Variants in COX6C observed in about 807,000 individuals in gnomAD.
COX6C encodes cytochrome c oxidase polypeptide VIc.
COX6C carries 3 observed loss-of-function variants against 6.9 expected under a neutral mutation model. That is an observed-to-expected ratio of 0.43 (90% CI 0.20 to 1.12). The LOEUF (loss-of-function observed/expected upper bound fraction) is 1.12, where lower values mean the gene tolerates loss of function less well. Among genes scored for constraint, COX6C ranks in the 50% most tolerant of loss-of-function variants. The pLI, the probability that COX6C is intolerant of heterozygous loss-of-function variation, is 0.27. For missense variants in COX6C, 101 were observed against 97.3 expected, an observed-to-expected ratio of 1.04 and a Z score of -0.16; for synonymous variants, 32 against 32.0, an observed-to-expected ratio of 1.00 and a Z score of 0.00.
At chr8:99,891,590 GAGGACCCTGTGAAGACAA>G (rs544898853) in intron 2 of COX6C, among the ~76,000 whole-genome samples, 2 of 152,310 alleles carry the variant, frequency 1.3e-5, no homozygotes, top group South Asian at 2.1e-4. Context: ...TATGCCCACA[GAGGACCCTGTGAAGACAA>G]AGGGAGCCAT....
chr8:99,883,429 A>ATATGTG (rs1554593054), intron 3 of COX6C, among the ~76,000 whole-genome samples: 208 of 145,834 alleles, frequency 1.4e-3, no homozygotes, highest in African/African-American at 5.3e-3. Flanking sequence ...GTGTGTATAT[A>ATATGTG]TGTATGTGTG....
intron 2 of COX6C, among the ~76,000 whole-genome samples, chr8:99,890,294 C>T (rs558877360): frequency 6.6e-6 from 1 of 152,086 alleles, no homozygotes; most frequent in African/African-American, 2.4e-5. Context: ...TCAAATTCCA[C>T]CTCCTCTATC....
intron 3 of COX6C, among the ~76,000 whole-genome samples, chr8:99,882,803 T>A (rs1817884722): frequency 6.6e-6 from 1 of 152,150 alleles, no homozygotes; most frequent in South Asian, 2.1e-4. Context: ...AAAAAAAATT[T>A]TGTGGGGGAG....
chr8:99,891,178 T>C (rs1818026978), intron 2 of COX6C, among the ~76,000 whole-genome samples: 1 of 152,238 alleles, frequency 6.6e-6, no homozygotes, highest in African/African-American at 2.4e-5. Context: ...AAACGTTTTT[T>C]GGAAATAAGG....
intron 3 of COX6C, among the ~76,000 whole-genome samples, chr8:99,885,295 G>A (rs1454970115): frequency 2.6e-5 from 4 of 152,230 alleles, no homozygotes; most frequent in Admixed American, 2.6e-4. Flanking sequence ...CTCTTACTAT[G>A]TCTAATTTAT....
At chr8:99,893,409 C>A (rs1390393199) in intron 1 of COX6C, 1 of 152,292 alleles carries the variant, frequency 6.6e-6, no homozygotes, top group Non-Finnish European at 1.5e-5. Flanking sequence ...GGTCCCGCAG[C>A]CCACCCGGCT....
chr8:99,881,347 A>T (rs1817860985), intron 3 of COX6C, among the ~76,000 whole-genome samples: 1 of 151,962 alleles, frequency 6.6e-6, no homozygotes, highest in African/African-American at 2.4e-5. Context: ...GTGACAGAGT[A>T]AGACTCCATC....
At chr8:99,893,355 C>A (rs927044420) in intron 1 of COX6C, 1 of 152,266 alleles carries the variant, frequency 6.6e-6, no homozygotes, top group Non-Finnish European at 1.5e-5. Context: ...GCAGCGGGTA[C>A]CAGCCCCGGG....
At position 99,891,988 on chromosome 8, in the gene COX6C, G is replaced by A. The variant is rs747362239; in HGVS notation, c.34C>T (p.Arg12Cys). The A allele has an allele frequency of 2.5e-6, 4 of 1,613,226 alleles. No individual in the cohort carries two copies. Among genetic ancestry groups the A allele is most frequent in the Non-Finnish European group, 3.4e-6 (4 of 1,179,848 alleles). ...APEVLPKPRM[R>C]GLLARRLRNH... is the part of the protein sequence containing the mutation. ...CGCAGACGCCTGGCCAGAAGGCCAC[G>A]CATCCGAGGTTTTGGCAAAACTTCG... is the stretch of plus-strand genomic sequence containing the variant. The change falls in exon 2 of 4, where the codon CGT becomes TGT. Residue 12 changes from arginine (R) to cysteine (C), a missense_variant. Arg to Cys is a radical substitution (Grantham distance 180). Coordinates refer to ENST00000520468, the MANE Select transcript of COX6C (RefSeq NM_004374.4).
At chr8:99,888,275 A>C (rs927457408) in intron 2 of COX6C, among the ~76,000 whole-genome samples, 7 of 104,570 alleles carry the variant, frequency 6.7e-5, no homozygotes, top group Non-Finnish European at 1.1e-4. Context: ...TCCCAGTAAT[A>C]AAATCAAGAG....
chr8:99,891,705 G>A (rs1057083532), intron 2 of COX6C, among the ~76,000 whole-genome samples: 3 of 152,160 alleles, frequency 2.0e-5, no homozygotes, highest in African/African-American at 7.2e-5. Flanking sequence ...AAGGCACCCA[G>A]TCTGTGGTTC....
At chr8:99,893,303 G>A (rs1818085464) in intron 1 of COX6C, 1 of 152,340 alleles carries the variant, frequency 6.6e-6, no homozygotes, top group South Asian at 2.1e-4. Flanking sequence ...GGGCCAGATA[G>A]GTCAAATGAC....
At chr8:99,888,798 C>T (rs1817986109) in intron 2 of COX6C, among the ~76,000 whole-genome samples, 2 of 152,196 alleles carry the variant, frequency 1.3e-5, no homozygotes, top group Non-Finnish European at 2.9e-5. Context: ...CACATTTGCC[C>T]ACCCTTTCAG....
At chr8:99,878,288 T>A (rs1055524356) in intron 3 of COX6C, 23 bp from the exon 4 acceptor site, 2 of 152,182 alleles carry the variant, frequency 1.3e-5, no homozygotes, top group African/African-American at 2.4e-5. Context: ...ACACAAAGGC[T>A]AAGTTAGAGA....
chr8:99,888,841 C>T lies in COX6C; in HGVS notation c.115-1223G>A, dbSNP rs1426601591. The stretch of plus-strand genomic sequence containing the variant: ...TCTTTTTGAGTAATGGCCACAGGCA[C>T]ACTGGGGGAACAGGGTGGAACCAGG... On this transcript the variant is annotated intron_variant, in intron 2 of 3. Transcript: ENST00000520468. Among the ~76,000 whole-genome samples the T allele has an allele frequency of 5.9e-5, 9 of 152,214 alleles. 1 individual carries two copies. Among genetic ancestry groups the T allele is most frequent in the Admixed American group, 5.9e-4 (9 of 15,278 alleles).
chr8:99,884,537 T>A (rs1476882098), intron 3 of COX6C, among the ~76,000 whole-genome samples: 1 of 152,060 alleles, frequency 6.6e-6, no homozygotes, highest in Non-Finnish European at 1.5e-5. Context: ...AAATACAGAA[T>A]ATACACATAA....
chr8:99,882,610 CAGTT>C (rs1373578993), intron 3 of COX6C, among the ~76,000 whole-genome samples: 2 of 152,138 alleles, frequency 1.3e-5, no homozygotes, highest in South Asian at 2.1e-4. Flanking sequence ...TCAAAGCCAA[CAGTT>C]AGTTCTTTGA....
chr8:99,892,678 T>TCCCCCCCCC (rs76610503), intron 1 of COX6C, among the ~76,000 whole-genome samples: 1 of 151,210 alleles, frequency 6.6e-6, no homozygotes, highest in Non-Finnish European at 1.5e-5. Flanking sequence ...TGTTTCATCT[T>TCCCCCCCCC]CCCCCCGCCC....
At chr8:99,883,041 G>C (rs1485453834) in intron 3 of COX6C, among the ~76,000 whole-genome samples, 1 of 152,108 alleles carries the variant, frequency 6.6e-6, no homozygotes, top group Admixed American at 6.5e-5. Flanking sequence ...ACCTGCTTTG[G>C]TCTCCCAAAG....
Sources: allele counts gnomAD v4.1 joint callset (sites outside exome capture counted in the v4.1 genomes callset), GRCh38; gene constraint gnomAD v4.1.1; transcripts MANE v1.5; gene names NCBI Gene and HGNC (gene_info 2026-07-23, HGNC 2026-07-21).